ADGRG4: variants seen among roughly 807,000 people sequenced by gnomAD.
The protein encoded by ADGRG4 is G protein-coupled receptor 112.
Under a neutral mutation model 126.2 loss-of-function variants are expected in ADGRG4, and 122 were observed. That is an observed-to-expected ratio of 0.97 (90% CI 0.83 to 1.12). The LOEUF is 1.12. Among genes scored for constraint, ADGRG4 ranks in the 50% most tolerant of loss-of-function variants. ADGRG4 has a pLI of 0.00. For missense variants in ADGRG4, 2,481 were observed against 2,251.8 expected, an observed-to-expected ratio of 1.10 and a Z score of -2.06; for synonymous variants, 943 against 838.7, an observed-to-expected ratio of 1.12 and a Z score of -2.15.
chrX:136,388,440 G>A (rs1428936126), intron 16 of ADGRG4, among the ~76,000 whole-genome samples: 2 of 112,273 alleles, frequency 1.8e-5, no homozygotes, highest in East Asian at 5.6e-4. Context: ...AGCTGGCAAT[G>A]CCATATTCTG....
At chrX:136,308,192 C>A in intron 3 of ADGRG4, among the ~76,000 whole-genome samples, 2 of 112,961 alleles carry the variant, frequency 1.8e-5, no homozygotes, top group Admixed American at 1.9e-4. Context: ...CAACCTCCGC[C>A]TCCCAGGTCC....
At chrX:136,323,470 T>A (rs1449875154) in intron 5 of ADGRG4, 78 bp downstream of exon 5, 2 of 931,328 alleles carry the variant, frequency 2.1e-6, no homozygotes, top group East Asian at 6.2e-5. Context: ...GGCCCCAGGT[T>A]GCTAGTTTTG....
intron 4 of ADGRG4, among the ~76,000 whole-genome samples, chrX:136,310,936 A>G (rs1453838466): frequency 1.8e-5 from 2 of 111,220 alleles, no homozygotes; most frequent in Non-Finnish European, 3.8e-5. Flanking sequence ...ATAACAAAAT[A>G]CTATAGATTG....
rs2075026462 is a variant in ADGRG4 at position 136,347,483 on chromosome X, C to T, written c.3777C>T (p.Asp1259=). ...CCTCTGTCTTATCTTCCGACAAAGA[C>T]CAGATGACCATATCCCTGGGAAAAA... ...TSTSVLSSDK[D]QMTISLGKTP... Residue 1259 remains aspartate, a synonymous_variant, in exon 6 of 26, where the codon GAC becomes GAT. Coordinates refer to ENST00000394143, the MANE Select transcript of ADGRG4 (RefSeq NM_153834.4). 3 of 1,208,129 alleles carry T rather than the reference C, an allele frequency of 2.5e-6. No individual in the cohort carries two copies. The highest frequency in any genetic ancestry group is 1.8e-5 in the South Asian group (1 of 56,707).
intron 20 of ADGRG4, among the ~76,000 whole-genome samples, chrX:136,399,133 A>G (rs1248081682): frequency 9.0e-6 from 1 of 111,493 alleles, no homozygotes; most frequent in African/African-American, 3.3e-5. Flanking sequence ...GGTGATATTG[A>G]ATGGGAGAAG....
chrX:136,334,438 G>C (rs1233182923), intron 5 of ADGRG4, among the ~76,000 whole-genome samples: 1 of 111,472 alleles, frequency 9.0e-6, no homozygotes, highest in African/African-American at 3.3e-5. Context: ...TCTAGGACTT[G>C]TGCATTTCCA....
At chrX:136,312,769 G>A (rs2074780844) in intron 4 of ADGRG4, among the ~76,000 whole-genome samples, 1 of 111,623 alleles carries the variant, frequency 9.0e-6, no homozygotes, top group Non-Finnish European at 1.9e-5. Flanking sequence ...TCTAATTCCA[G>A]AGCATTTTTA....
intron 16 of ADGRG4, among the ~76,000 whole-genome samples, chrX:136,390,190 A>G (rs997052102): frequency 2.9e-4 from 32 of 110,964 alleles, no homozygotes; most frequent in African/African-American, 1.0e-3. Context: ...AGCTGGGAAT[A>G]TAGGTGCTCA....
intron 14 of ADGRG4, 83 bp from the exon 15 acceptor site, chrX:136,372,819 C>A: frequency 1.1e-6 from 1 of 941,985 alleles, no homozygotes; most frequent in Non-Finnish European, 1.5e-6. Context: ...AAAGAAAAGT[C>A]TTGCAATAAG....
rs1180302052 is a variant in ADGRG4 at position 136,392,314 on chromosome X, A to T, written c.7994A>T (p.Asp2665Val). ...SDDMFIQNLADPVVITLQHIG... is the reference protein window; with the variant it reads ...SDDMFIQNLAVPVVITLQHIG... ...GATATGTTCATTCAAAACTTAGCTGACCCAGTGGTTATCACTCTGCAGCAT... is the reference window on the plus strand; with the variant it reads ...GATATGTTCATTCAAAACTTAGCTGTCCCAGTGGTTATCACTCTGCAGCAT... Residue 2665 changes from aspartate to valine, a missense_variant, in exon 17 of 26, where the codon GAC (aspartate) becomes GTC (valine). Physicochemically the swap from Asp to Val is radical, Grantham distance 152. Coordinates refer to ENST00000394143, the MANE Select transcript of ADGRG4 (RefSeq NM_153834.4). 6.7e-6 allele frequency: 8 copies of T among 1,187,104 alleles called. No homozygotes were observed. The highest frequency in any genetic ancestry group is 9.1e-6 in the Non-Finnish European group (8 of 879,468).
intron 4 of ADGRG4, among the ~76,000 whole-genome samples, chrX:136,316,141 C>T (rs1017390028): frequency 3.6e-5 from 4 of 111,678 alleles, no homozygotes; most frequent in Non-Finnish European, 5.6e-5. Context: ...AAGAGGAAAG[C>T]AGGTTACCTC....
Position 136,406,537 on chromosome X carries a change from T to C in ADGRG4, c.8935+565T>C, listed in dbSNP as rs182057386. Among the ~76,000 whole-genome samples the C allele has an allele frequency of 2.5e-4, 28 of 112,416 alleles. No individual in the cohort carries two copies. The East Asian group carries it at 3.3e-3, about 13-fold the overall frequency. ...TCCTAAGCTAAAGGCCCTAGAGCTC[T>C]TTTAATTATTTTCCTTTATTCCGAT... On this transcript the variant is annotated intron_variant, in intron 23 of 25. Coordinates refer to ENST00000394143, the MANE Select transcript of ADGRG4 (RefSeq NM_153834.4).
chrX:136,309,416 A>G (rs2074754117), intron 4 of ADGRG4, among the ~76,000 whole-genome samples: 1 of 112,547 alleles, frequency 8.9e-6, no homozygotes, highest in Non-Finnish European at 1.9e-5. Context: ...AAGACAATTC[A>G]CTGAAGTAGC....
At chrX:136,374,389 A>G (rs772567084) in intron 15 of ADGRG4, among the ~76,000 whole-genome samples, 6 of 111,266 alleles carry the variant, frequency 5.4e-5, no homozygotes, top group Non-Finnish European at 1.1e-4. Context: ...ATACCTAGGA[A>G]TGGAATTGCT....
intron 15 of ADGRG4, among the ~76,000 whole-genome samples, chrX:136,380,607 T>C (rs803191): frequency 0.019 from 577 of 30,205 alleles, 3 homozygotes; most frequent in African/African-American, 0.034. Flanking sequence ...CCTCCTCCTC[T>C]TCTTCTTCTT....
intron 25 of ADGRG4, 34 bp from the exon 26 acceptor site, chrX:136,416,420 G>A (rs1191994898): frequency 9.5e-6 from 11 of 1,152,531 alleles, no homozygotes; most frequent in East Asian, 3.1e-5. Context: ...CCCTGATGCC[G>A]CAGCTGAAAA....
At position 136,359,299 on chromosome X, in the gene ADGRG4, T is replaced by A; in HGVS notation, c.6988T>A (p.Cys2330Ser). 4.2e-6 allele frequency: 5 copies of A among 1,203,915 alleles called. No homozygotes were observed. The highest frequency in any genetic ancestry group is 5.6e-6 in the Non-Finnish European group (5 of 891,993). Residue 2330 changes from cysteine to serine, a missense_variant, in exon 11 of 26, where the codon TGT (cysteine) becomes AGT (serine). Transcript: ENST00000394143. ...TTTTATTCTGCTTTGTAGTTGTGTT[T>A]GTCAGGTCATCATAAAAGCCAGCTC... ...TISYVPYSCV[C>S]QVIIKASSSL... is the part of the protein sequence containing the mutation.
intron 23 of ADGRG4, among the ~76,000 whole-genome samples, chrX:136,410,998 T>A (rs1167446481): frequency 1.8e-5 from 2 of 111,970 alleles, no homozygotes; most frequent in Non-Finnish European, 3.8e-5. Context: ...AGGAGTTATT[T>A]CTGCCAATCC....
At chrX:136,314,959 T>C (rs2148446575) in intron 4 of ADGRG4, among the ~76,000 whole-genome samples, 1 of 111,847 alleles carries the variant, frequency 8.9e-6, no homozygotes, top group South Asian at 3.8e-4. Flanking sequence ...ACATGACCTA[T>C]GTGAGGATAA....
Sources: gnomAD v4.1 joint callset for allele counts (sites outside exome capture counted in the v4.1 genomes callset) on GRCh38, gnomAD v4.1.1 for gene constraint, MANE v1.5 for transcripts, NCBI Gene and HGNC (gene_info 2026-07-23, HGNC 2026-07-21) for gene names.